HYDIN: variants seen among roughly 807,000 people sequenced by gnomAD.
HYDIN encodes the protein axonemal central pair apparatus protein HYDIN.
In HYDIN, 132 loss-of-function variants were observed where a neutral mutation model predicts 403.9. The observed-to-expected ratio is 0.33, with a 90% CI of 0.28 to 0.38. The LOEUF (loss-of-function observed/expected upper bound fraction) is 0.38. Ranked by LOEUF, HYDIN falls within the 10% of genes least tolerant of loss-of-function variation. The pLI is 1.00. For missense variants in HYDIN, 2,827 were observed against 5,009.5 expected (o/e 0.56, Z 13.15); for synonymous variants, 1,202 against 1,891.7 (o/e 0.64, Z 9.46).
chr16:70,909,408 T>C, intron 47 of HYDIN, among the ~76,000 whole-genome samples: 1 of 152,072 alleles, frequency 6.6e-6, no homozygotes, highest in African/African-American at 2.4e-5. Context: ...TTTAATTTAT[T>C]TATCATTTCC....
At chr16:71,078,520 T>C (rs1205766739) in intron 13 of HYDIN, among the ~76,000 whole-genome samples, 1 of 152,180 alleles carries the variant, frequency 6.6e-6, no homozygotes, top group Non-Finnish European at 1.5e-5. Context: ...TATTTGTTTT[T>C]TAGAGACAGG....
chr16:71,201,672 CA>C (rs1469033095), intron 1 of HYDIN, among the ~76,000 whole-genome samples: 1 of 152,204 alleles, frequency 6.6e-6, no homozygotes, highest in African/African-American at 2.4e-5. Context: ...TGCTGGCAGC[CA>C]TTTTGCCCCT....
chr16:70,944,044 A>G (rs115508241), intron 41 of HYDIN, 95 bp from the exon 42 acceptor site: 22,074 of 904,120 alleles, frequency 0.024, no homozygotes, highest in African/African-American at 0.089. Flanking sequence ...AAGATCACAT[A>G]ATCTGTCATT....
intron 12 of HYDIN, among the ~76,000 whole-genome samples, chr16:71,082,588 T>C (rs2082816350): frequency 6.6e-6 from 1 of 151,608 alleles, no homozygotes; most frequent in Non-Finnish European, 1.5e-5. Flanking sequence ...AACAAGAGGC[T>C]TACCCTGCAC....
intron 13 of HYDIN, among the ~76,000 whole-genome samples, chr16:71,071,298 C>T (rs971064458): frequency 6.6e-6 from 1 of 150,532 alleles, no homozygotes; most frequent in Non-Finnish European, 1.5e-5. Flanking sequence ...TGTAATATCC[C>T]ATATTGCTTG....
chr16:71,037,410 A>C (rs1490359361), intron 18 of HYDIN, among the ~76,000 whole-genome samples: 8 of 151,930 alleles, frequency 5.3e-5, no homozygotes, highest in Non-Finnish European at 8.8e-5. Context: ...GACAGGCAGA[A>C]TTCTAAGTTG....
At chr16:70,951,513 A>C (rs938198021) in intron 41 of HYDIN, among the ~76,000 whole-genome samples, 2 of 151,700 alleles carry the variant, frequency 1.3e-5, no homozygotes, top group Non-Finnish European at 2.9e-5. Flanking sequence ...CCATTCAACA[A>C]GGCCTTCTCC....
At chr16:70,852,625 A>C (rs1038259794) in intron 73 of HYDIN, 7 of 149,112 alleles carry the variant, frequency 4.7e-5, no homozygotes, top group Non-Finnish European at 8.9e-5. Flanking sequence ...AAACAGGCTG[A>C]GCAGGAAACT....
intron 45 of HYDIN, among the ~76,000 whole-genome samples, chr16:70,931,210 G>GT (rs71387550): frequency 0.089 from 5,280 of 59,510 alleles, 410 homozygotes; most frequent in South Asian, 0.099. Context: ...TCTTTCTTCT[G>GT]TTTTTTTTTT....
At chr16:70,896,474 T>G (rs1410945186) in intron 53 of HYDIN, among the ~76,000 whole-genome samples, 1 of 152,062 alleles carries the variant, frequency 6.6e-6, no homozygotes, top group Non-Finnish European at 1.5e-5. Context: ...CATCTCAGCC[T>G]CCCGAGTAGG....
At chr16:71,127,340 CAAATAA>C (rs1188185299) in intron 9 of HYDIN, among the ~76,000 whole-genome samples, 1 of 143,662 alleles carries the variant, frequency 7.0e-6, no homozygotes, top group African/African-American at 2.6e-5. Flanking sequence ...CCCGACAATA[CAAATAA>C]AATTAGTCTC....
rs757738006 is a variant in HYDIN at position 70,882,900 on chromosome 16, G to A, written c.9980-5C>T. ...CATTGTTTTCGGTCACGAAGGCTGGGGAGTGAAGGGGAGACCATGAGATGC... is the reference window on the plus strand; with the variant it reads ...CATTGTTTTCGGTCACGAAGGCTGGAGAGTGAAGGGGAGACCATGAGATGC... On this transcript the variant is annotated splice_region_variant and splice_polypyrimidine_tract_variant and intron_variant, in intron 59 of 85. Transcript: ENST00000393567. 6.3e-7 allele frequency: 1 copy of A among 1,584,666 alleles called. No individual in the cohort carries two copies. The highest frequency in any genetic ancestry group is 1.1e-5 in the South Asian group (1 of 90,384).
rs1319324216 is a variant in HYDIN at position 70,805,581 on chromosome 16, A to AT, written c.*1998dup. On this transcript the variant is annotated 3_prime_UTR_variant, in exon 86 of 86. Transcript: ENST00000393567. The stretch of plus-strand genomic sequence containing the variant: ...TCTGTTTCAGTAAGCCCTCCAGGGG[A>AT]TGCTGATGTATACTAATATTTCAGA... 6.6e-6 allele frequency among the ~76,000 whole-genome samples: 1 copy of AT among 152,200 alleles called. No individual in the cohort carries two copies. The highest frequency in any genetic ancestry group is 1.5e-5 in the Non-Finnish European group (1 of 68,034).
intron 49 of HYDIN, among the ~76,000 whole-genome samples, chr16:70,907,949 G>A (rs1168350741): frequency 6.6e-6 from 1 of 151,998 alleles, no homozygotes. Context: ...CTATACTACA[G>A]GATAGAACTG....
intron 58 of HYDIN, among the ~76,000 whole-genome samples, chr16:70,884,861 G>A (rs1280690180): frequency 2.0e-5 from 3 of 152,254 alleles, no homozygotes; most frequent in African/African-American, 7.2e-5. Flanking sequence ...AACAGCCCAG[G>A]CTCTGTTCTC....
intron 21 of HYDIN, among the ~76,000 whole-genome samples, chr16:71,022,324 C>A (rs1176504304): frequency 6.6e-6 from 1 of 152,188 alleles, no homozygotes; most frequent in East Asian, 1.9e-4. Context: ...CTCCAAATAT[C>A]AGCAGACAGA....
intron 18 of HYDIN, among the ~76,000 whole-genome samples, chr16:71,053,216 AC>A (rs1211516823): frequency 6.6e-6 from 1 of 151,942 alleles, no homozygotes; most frequent in African/African-American, 2.4e-5. Context: ...GATACCTCAA[AC>A]ACTCCTGGAA....
At chr16:71,187,895 T>C (rs991886703) in intron 1 of HYDIN, among the ~76,000 whole-genome samples, 1 of 152,106 alleles carries the variant, frequency 6.6e-6, no homozygotes, top group Non-Finnish European at 1.5e-5. Flanking sequence ...TCAAGGAAGA[T>C]CCACCATGCT....
rs186654642 is a variant in HYDIN at position 71,191,787 on chromosome 16, T to C, written c.-23-4869A>G. ...CCAGCTGCCTACAAGATGCTTCCACTTAGGGTGTCCACAGGCACCTCAAGC... is the reference window on the plus strand; with the variant it reads ...CCAGCTGCCTACAAGATGCTTCCACCTAGGGTGTCCACAGGCACCTCAAGC... On this transcript the variant is annotated intron_variant, in intron 1 of 85. Transcript: ENST00000393567. Among the ~76,000 whole-genome samples, 312 of 152,320 alleles carry C rather than the reference T, an allele frequency of 2.0e-3. 1 individual carries two copies. Among genetic ancestry groups the C allele is most frequent in the African/African-American group, 6.4e-3 (266 of 41,578 alleles).
Sources: allele counts gnomAD v4.1 joint callset (sites outside exome capture counted in the v4.1 genomes callset), GRCh38; gene constraint gnomAD v4.1.1; transcripts MANE v1.5; gene names NCBI Gene and HGNC (gene_info 2026-07-23, HGNC 2026-07-21).